Variants in CNTN5 observed in about 807,000 individuals in gnomAD.
CNTN5 encodes the protein contactin 5.
A neutral mutation model predicts 129.1 loss-of-function variants in CNTN5; 77 were observed. The ratio of observed to expected loss-of-function variants is 0.60; its 90% CI spans 0.50 to 0.72. CNTN5 has a LOEUF of 0.72. Among genes scored for constraint, CNTN5 ranks in the 30% least tolerant of loss-of-function variants. The pLI, the probability that CNTN5 is intolerant of heterozygous loss-of-function variation, is 0.00. For synonymous variants in CNTN5, 509 were observed against 465.6 expected, an observed-to-expected ratio of 1.09 and a Z score of -1.20; for missense variants, 1,478 against 1,328.8, an observed-to-expected ratio of 1.11 and a Z score of -1.75.
rs539823940 is a variant in CNTN5 at position 99,932,330 on chromosome 11, T to C, written c.673+16181T>C. Among the ~76,000 whole-genome samples, 679 of 152,138 alleles carry C rather than the reference T, an allele frequency of 4.5e-3. 6 individuals carry two copies. The highest frequency in any genetic ancestry group is 0.015 in the African/African-American group (631 of 41,508). ...GCCTCAGCCTTCTGAGTAGCTGAGA[T>C]TGCAGGCACCCACCACCACGCCTGG... On this transcript the variant is annotated intron_variant, in intron 7 of 24. Transcript: ENST00000524871.
At chr11:99,491,858 G>A (rs1591155743) in intron 2 of CNTN5, among the ~76,000 whole-genome samples, 7 of 152,246 alleles carry the variant, frequency 4.6e-5, no homozygotes, top group East Asian at 1.9e-4. Flanking sequence ...AAAATATTTT[G>A]TAAGTCCTTG....
At chr11:99,749,483 A>G (rs964837217) in intron 3 of CNTN5, among the ~76,000 whole-genome samples, 1 of 152,214 alleles carries the variant, frequency 6.6e-6, no homozygotes, top group Non-Finnish European at 1.5e-5. Flanking sequence ...GCATTGAAAT[A>G]TTTTAAAATC....
At chr11:99,287,920 G>A (rs1431512491) in intron 1 of CNTN5, among the ~76,000 whole-genome samples, 5 of 151,860 alleles carry the variant, frequency 3.3e-5, no homozygotes, top group East Asian at 3.9e-4. Context: ...AAGAGGAATA[G>A]GAGTAGGAGG....
At chr11:99,070,620 C>A (rs1441217971) in intron 1 of CNTN5, among the ~76,000 whole-genome samples, 1 of 151,750 alleles carries the variant, frequency 6.6e-6, no homozygotes, top group African/African-American at 2.4e-5. Flanking sequence ...TAAGTAAAAA[C>A]AAGTATTATA....
chr11:99,441,775 T>A (rs2406928), intron 2 of CNTN5, among the ~76,000 whole-genome samples: 25,907 of 152,196 alleles, frequency 0.17, 2,665 homozygotes, highest in East Asian at 0.41. Context: ...AGTTTGGTAA[T>A]CTTACAGCTT....
intron 13 of CNTN5, among the ~76,000 whole-genome samples, chr11:100,097,497 A>C (rs1256868003): frequency 6.6e-6 from 1 of 152,134 alleles, no homozygotes; most frequent in Non-Finnish European, 1.5e-5. Context: ...AAGTGAAAAA[A>C]ACAAAAACCT....
intron 3 of CNTN5, among the ~76,000 whole-genome samples, chr11:99,768,666 G>C (rs929063132): frequency 6.6e-6 from 1 of 152,074 alleles, no homozygotes. Context: ...GATAAAAAAT[G>C]TTATGCAGAC....
intron 16 of CNTN5, among the ~76,000 whole-genome samples, chr11:100,229,994 A>G (rs1289016955): frequency 6.6e-6 from 1 of 152,170 alleles, no homozygotes; most frequent in Non-Finnish European, 1.5e-5. Flanking sequence ...AGTAGTTATG[A>G]AAAACAAAGC....
At chr11:99,856,234 C>A (rs777711462) in intron 6 of CNTN5, among the ~76,000 whole-genome samples, 1 of 152,094 alleles carries the variant, frequency 6.6e-6, no homozygotes, top group Admixed American at 6.6e-5. Flanking sequence ...GAATTTCTCC[C>A]GGTAAATTCT....
chr11:99,705,730 C>G (rs1954726665), intron 3 of CNTN5, among the ~76,000 whole-genome samples: 1 of 151,372 alleles, frequency 6.6e-6, no homozygotes, highest in African/African-American at 2.4e-5. Flanking sequence ...AGCAGGAAAA[C>G]AGAATGCAGA....
At chr11:99,169,901 C>T (rs903891237) in intron 1 of CNTN5, among the ~76,000 whole-genome samples, 2 of 151,946 alleles carry the variant, frequency 1.3e-5, no homozygotes, top group Admixed American at 1.3e-4. Context: ...AGTAAACATC[C>T]TGTAAATATT....
intron 3 of CNTN5, among the ~76,000 whole-genome samples, chr11:99,819,301 T>TGTTC (rs1565566813): frequency 3.3e-5 from 2 of 59,826 alleles, no homozygotes; most frequent in African/African-American, 7.5e-5. Flanking sequence ...TCTCCTCCCC[T>TGTTC]TCCCTCCCCT....
intron 6 of CNTN5, among the ~76,000 whole-genome samples, chr11:99,861,534 T>G (rs990071416): frequency 6.6e-6 from 1 of 152,220 alleles, no homozygotes; most frequent in Non-Finnish European, 1.5e-5. Flanking sequence ...ATATGTAGTT[T>G]CATATTATGT....
At chr11:99,943,169 C>G (rs1303412542) in intron 7 of CNTN5, among the ~76,000 whole-genome samples, 1 of 152,150 alleles carries the variant, frequency 6.6e-6, no homozygotes, top group Non-Finnish European at 1.5e-5. Context: ...AAAAGCGTTT[C>G]TATTTCTCCA....
intron 1 of CNTN5, among the ~76,000 whole-genome samples, chr11:99,205,478 T>C (rs1290971178): frequency 1.3e-5 from 2 of 152,142 alleles, no homozygotes; most frequent in African/African-American, 4.8e-5. Context: ...GGTTTTCTCT[T>C]CTGTTTTACT....
intron 15 of CNTN5, among the ~76,000 whole-genome samples, chr11:100,211,676 T>C (rs1949035936): frequency 3.3e-5 from 5 of 152,202 alleles, no homozygotes; most frequent in Non-Finnish European, 7.4e-5. Flanking sequence ...TTATAATCTT[T>C]AGTTGATGGT....
intron 2 of CNTN5, among the ~76,000 whole-genome samples, chr11:99,551,425 G>GAT (rs1948477891): frequency 6.6e-6 from 1 of 152,048 alleles, no homozygotes; most frequent in Non-Finnish European, 1.5e-5. Flanking sequence ...GGAGCTTAAG[G>GAT]GTTAACATTA....
chr11:100,084,423 AT>A (rs1944472932), intron 13 of CNTN5, among the ~76,000 whole-genome samples: 1 of 152,144 alleles, frequency 6.6e-6, no homozygotes, highest in Non-Finnish European at 1.5e-5. Context: ...TACGGTCGAG[AT>A]TTTTAGCATC....
At chr11:99,098,461 A>G (rs1866576153) in intron 1 of CNTN5, among the ~76,000 whole-genome samples, 1 of 152,004 alleles carries the variant, frequency 6.6e-6, no homozygotes, top group South Asian at 2.1e-4. Flanking sequence ...TGGCTGAAAA[A>G]GCAGAAGACT....
Sources: gnomAD v4.1 joint callset for allele counts (sites outside exome capture counted in the v4.1 genomes callset) on GRCh38, gnomAD v4.1.1 for gene constraint, MANE v1.5 for transcripts, NCBI Gene and HGNC (gene_info 2026-07-23, HGNC 2026-07-21) for gene names.